Variants in FANCL observed in about 807,000 individuals in gnomAD.
FANCL encodes the protein FA complementation group L.
FANCL carries 69 observed loss-of-function variants against 59.4 expected under a neutral mutation model. That is an observed-to-expected ratio of 1.16 (90% CI 0.96 to 1.42). The LOEUF is 1.42. Ranked by LOEUF, FANCL falls within the 40% of genes most tolerant of loss-of-function variation. The probability of loss-of-function intolerance (pLI) is 0.00; values close to 1 mark genes in which losing one functional copy is unlikely to be tolerated. For synonymous variants in FANCL, 180 were observed against 147.1 expected (o/e 1.22, Z -1.62); for missense variants, 519 against 447.2 (o/e 1.16, Z -1.45).
In FANCL at chr2:58,229,949, T is replaced by C; in HGVS notation, c.156-75A>G. ...ACTTATTTGTATGCTAACACAAACA[T>C]GCATGTACATACAAAAGAATGACAA... On this transcript the variant is annotated intron_variant, in intron 2 of 13. Transcript: ENST00000233741. The C allele has an allele frequency of 7.2e-6, 7 of 973,698 alleles. No homozygotes were observed. In the South Asian group the frequency reaches 9.3e-5, roughly 13 times the overall value. 60.3% of individuals were successfully genotyped at this position (973,698 alleles called of 1,614,324 possible).
intron 7 of FANCL, among the ~76,000 whole-genome samples, chr2:58,188,738 C>A (rs1324767772): frequency 6.6e-6 from 1 of 151,180 alleles, no homozygotes. Flanking sequence ...CTGCGACCAG[C>A]CATAATTTTG....
intron 2 of FANCL, among the ~76,000 whole-genome samples, chr2:58,230,657 C>T (rs1693497318): frequency 6.6e-6 from 1 of 152,164 alleles, no homozygotes; most frequent in Admixed American, 6.5e-5. Context: ...TCACAACTCT[C>T]TCCATTCTTG....
intron 5 of FANCL, chr2:58,213,799 C>T (rs558701891): frequency 6.6e-5 from 10 of 151,940 alleles, no homozygotes; most frequent in African/African-American, 1.7e-4. Flanking sequence ...CACAAATCTA[C>T]GCAACAGATT....
At chr2:58,187,689 T>G (rs906128296) in intron 7 of FANCL, among the ~76,000 whole-genome samples, 1 of 152,306 alleles carries the variant, frequency 6.6e-6, no homozygotes, top group Non-Finnish European at 1.5e-5. Flanking sequence ...AAATATATTT[T>G]GAAAACTTTT....
At chr2:58,199,385 G>A (rs911507625) in intron 6 of FANCL, among the ~76,000 whole-genome samples, 7 of 152,010 alleles carry the variant, frequency 4.6e-5, no homozygotes, top group African/African-American at 1.7e-4. Context: ...TAAATAGGCA[G>A]TATCAGTTAA....
At chr2:58,168,468 C>T (rs1686191235) in intron 7 of FANCL, among the ~76,000 whole-genome samples, 1 of 152,150 alleles carries the variant, frequency 6.6e-6, no homozygotes, top group Admixed American at 6.5e-5. Flanking sequence ...AGGAGATTCC[C>T]TCTGGTGCCT....
intron 5 of FANCL, among the ~76,000 whole-genome samples, chr2:58,209,378 T>G (rs1370828856): frequency 1.3e-5 from 2 of 152,086 alleles, no homozygotes; most frequent in Non-Finnish European, 2.9e-5. Flanking sequence ...TAGAAAAACA[T>G]GATTTTTTTT....
At chr2:58,209,034 G>A (rs1690867712) in intron 5 of FANCL, among the ~76,000 whole-genome samples, 1 of 152,050 alleles carries the variant, frequency 6.6e-6, no homozygotes, top group Non-Finnish European at 1.5e-5. Flanking sequence ...TCCCTTTAAA[G>A]GCTCTGTATA....
intron 7 of FANCL, among the ~76,000 whole-genome samples, chr2:58,186,328 T>G (rs1363128444): frequency 6.6e-6 from 1 of 152,156 alleles, no homozygotes; most frequent in African/African-American, 2.4e-5. Context: ...TTTGGACCCT[T>G]GTCCTACATA....
chr2:58,201,027 G>GT (rs1199159061), intron 6 of FANCL, among the ~76,000 whole-genome samples: 3 of 150,278 alleles, frequency 2.0e-5, no homozygotes, highest in Non-Finnish European at 4.5e-5. Flanking sequence ...ATTTATGTAA[G>GT]TCTGGATGAT....
chr2:58,163,037 T>C lies in FANCL; in HGVS notation c.813A>G (p.Ile271Met). ...ATTGCCAAGGTACCTACCACAAATG[T>C]ATGTTCCTGCTCAGCTTAATTCCCA... Reference protein sequence around the residue: ...KPLGIKLSRNIHLWDPENSVL... With the variant: ...KPLGIKLSRNMHLWDPENSVL... The change falls in exon 10 of 14, where the codon ATA (isoleucine) becomes ATG (methionine). Residue 271 changes from isoleucine to methionine, a missense_variant. Coordinates refer to ENST00000233741, the MANE Select transcript of FANCL (RefSeq NM_018062.4). The C allele has an allele frequency of 6.2e-7, 1 of 1,612,846 alleles. No individual in the cohort carries two copies. Among genetic ancestry groups the C allele is most frequent in the Non-Finnish European group, 8.5e-7 (1 of 1,179,146 alleles).
intron 8 of FANCL, 40 bp downstream of exon 8, chr2:58,165,684 A>T (rs1685860144): frequency 6.2e-7 from 1 of 1,612,606 alleles, no homozygotes; most frequent in East Asian, 2.2e-5. Context: ...ATACAAAATA[A>T]AACACCTAAA....
chr2:58,180,159 T>A (rs1025085022), intron 7 of FANCL, among the ~76,000 whole-genome samples: 1 of 152,174 alleles, frequency 6.6e-6, no homozygotes, highest in East Asian at 1.9e-4. Context: ...TGGAAGACAG[T>A]GTGGCGATTC....
In FANCL at chr2:58,165,763, T is replaced by C; in HGVS notation, c.652A>G (p.Lys218Glu). Residue 218 changes from lysine (K) to glutamate (E), a missense_variant, in exon 8 of 14, where the codon AAA becomes GAA. Transcript: ENST00000233741. Reference protein sequence around the residue: ...DEKTWVLEPEKPPRSATARRI... With the variant: ...DEKTWVLEPEEPPRSATARRI... ...CGTGCTGTTGCACTCCGTGGAGGTT[T>C]TTCTGGCTCAAGTACCCAGGTCTTC... The C allele has an allele frequency of 1.2e-6, 2 of 1,614,164 alleles. No homozygotes were observed. The highest frequency in any genetic ancestry group is 8.5e-7 in the Non-Finnish European group (1 of 1,180,008).
At chr2:58,218,322 AT>A (rs1692047114) in intron 5 of FANCL, among the ~76,000 whole-genome samples, 2 of 152,084 alleles carry the variant, frequency 1.3e-5, no homozygotes, top group African/African-American at 4.8e-5. Context: ...TGATAAAAAA[AT>A]ATACAACAGA....
At chr2:58,178,136 T>G (rs1335952372) in intron 7 of FANCL, among the ~76,000 whole-genome samples, 1 of 152,142 alleles carries the variant, frequency 6.6e-6, no homozygotes, top group Non-Finnish European at 1.5e-5. Context: ...ACCACACAGA[T>G]TCACAGCCAA....
intron 5 of FANCL, among the ~76,000 whole-genome samples, chr2:58,205,204 G>C (rs917102298): frequency 6.6e-6 from 1 of 151,844 alleles, no homozygotes; most frequent in African/African-American, 2.4e-5. Context: ...ATACTGACCA[G>C]GTACTATATA....
At chr2:58,164,144 C>G (rs1685620194) in intron 8 of FANCL, among the ~76,000 whole-genome samples, 1 of 151,944 alleles carries the variant, frequency 6.6e-6, no homozygotes, top group African/African-American at 2.4e-5. Context: ...GCACTAGGTT[C>G]TTTTATACAT....
intron 7 of FANCL, among the ~76,000 whole-genome samples, chr2:58,169,540 A>C (rs1198262643): frequency 1.3e-5 from 2 of 152,184 alleles, no homozygotes; most frequent in Non-Finnish European, 2.9e-5. Context: ...ACAAAACTGG[A>C]CAGAGAATGA....
Sources: allele counts gnomAD v4.1 joint callset (sites outside exome capture counted in the v4.1 genomes callset), GRCh38; gene constraint gnomAD v4.1.1; transcripts MANE v1.5; gene names NCBI Gene and HGNC (gene_info 2026-07-23, HGNC 2026-07-21).